ARB2A: variants seen among roughly 807,000 people sequenced by gnomAD.
ARB2A encodes cotranscriptional regulator ARB2A.
At chr5:93,894,031 A>G in the ARB2A span, among the ~76,000 whole-genome samples, 1 of 152,212 alleles carries the variant, frequency 6.6e-6, no homozygotes, top group African/African-American at 2.4e-5. Context: ...ACTTAATAGT[A>G]TACACTCTGT....
the ARB2A span, among the ~76,000 whole-genome samples, chr5:93,880,409 C>T: frequency 6.6e-6 from 1 of 151,620 alleles, no homozygotes; most frequent in Admixed American, 6.6e-5. Context: ...CAATATATTT[C>T]CCCTAAAAGG....
At chr5:94,022,130 G>A in the ARB2A span, among the ~76,000 whole-genome samples, 2 of 152,060 alleles carry the variant, frequency 1.3e-5, no homozygotes, top group African/African-American at 4.8e-5. Flanking sequence ...ACAGGCGGAG[G>A]TTGCAGTGAG....
the ARB2A span, among the ~76,000 whole-genome samples, chr5:93,813,301 T>C: frequency 1.3e-5 from 2 of 152,200 alleles, no homozygotes; most frequent in Non-Finnish European, 2.9e-5. Context: ...TCTAGTGTTT[T>C]CTAGAAGGTA....
the ARB2A span, among the ~76,000 whole-genome samples, chr5:93,836,902 A>C: frequency 6.6e-5 from 10 of 152,222 alleles, no homozygotes; most frequent in Non-Finnish European, 1.3e-4. Context: ...AAAAAAGTCT[A>C]TAAGCTGGAG....
the ARB2A span, among the ~76,000 whole-genome samples, chr5:93,864,643 T>A: frequency 2.0e-5 from 3 of 152,322 alleles, no homozygotes; most frequent in South Asian, 6.2e-4. Flanking sequence ...CTCATTGCAA[T>A]GATAAGTTGT....
the ARB2A span, chr5:93,740,974 AGAAGGTT>A: frequency 6.2e-7 from 1 of 1,613,794 alleles, no homozygotes; most frequent in African/African-American, 1.3e-5. Context: ...GCATAAGCCC[AGAAGGTT>A]CTCTGCTTCC....
the ARB2A span, among the ~76,000 whole-genome samples, chr5:93,651,145 T>C: frequency 3.9e-5 from 6 of 152,112 alleles, no homozygotes; most frequent in African/African-American, 1.2e-4. Flanking sequence ...CACTCTTTTT[T>C]TTTTTTTTGA....
At chr5:93,802,090 A>G in the ARB2A span, among the ~76,000 whole-genome samples, 11 of 152,058 alleles carry the variant, frequency 7.2e-5, no homozygotes, top group Non-Finnish European at 1.3e-4. Flanking sequence ...CTCTCTTTGG[A>G]AAAAAATGCA....
the ARB2A span, among the ~76,000 whole-genome samples, chr5:94,000,638 A>G: frequency 6.6e-6 from 1 of 151,968 alleles, no homozygotes; most frequent in African/African-American, 2.4e-5. Flanking sequence ...TGTTTTTTGT[A>G]AAAGTTTCAA....
At chr5:93,764,529 A>T in the ARB2A span, among the ~76,000 whole-genome samples, 12 of 152,336 alleles carry the variant, frequency 7.9e-5, no homozygotes, top group East Asian at 2.1e-3. Context: ...TAGACCAATA[A>T]TAGGTCCTGA....
the ARB2A span, among the ~76,000 whole-genome samples, chr5:93,932,185 A>G: frequency 6.6e-6 from 1 of 152,026 alleles, no homozygotes; most frequent in Non-Finnish European, 1.5e-5. Flanking sequence ...TGCTGGAGCT[A>G]TCTCATATTG....
the ARB2A span, chr5:93,621,015 G>A: frequency 1.2e-6 from 2 of 1,611,282 alleles, no homozygotes; most frequent in African/African-American, 1.3e-5. Flanking sequence ...GATGCGGTGG[G>A]AGCGGCGCGT....
the ARB2A span, among the ~76,000 whole-genome samples, chr5:93,717,526 C>CA: frequency 6.8e-6 from 1 of 147,606 alleles, no homozygotes; most frequent in African/African-American, 2.5e-5. Context: ...GAGAAAAGTG[C>CA]AACAATACAC....
At chr5:93,664,459 A>G in the ARB2A span, among the ~76,000 whole-genome samples, 4 of 151,662 alleles carry the variant, frequency 2.6e-5, no homozygotes, top group South Asian at 8.3e-4. Flanking sequence ...GTGAAACCCC[A>G]TCTCTACTAA....
the ARB2A span, among the ~76,000 whole-genome samples, chr5:93,921,276 T>C: frequency 6.6e-6 from 1 of 152,122 alleles, no homozygotes; most frequent in African/African-American, 2.4e-5. Flanking sequence ...ATGCAGCTTT[T>C]ATGTGACTGC....
the ARB2A span, among the ~76,000 whole-genome samples, chr5:94,110,696 T>C: frequency 2.6e-5 from 4 of 152,242 alleles, no homozygotes; most frequent in African/African-American, 9.6e-5. Flanking sequence ...ATGCAGTATA[T>C]GGCATGCGTT....
the ARB2A span, among the ~76,000 whole-genome samples, chr5:93,708,341 A>C: frequency 6.6e-6 from 1 of 152,186 alleles, no homozygotes; most frequent in Non-Finnish European, 1.5e-5. Context: ...TGGTATGATA[A>C]CAGTCTCATG....
the ARB2A span, among the ~76,000 whole-genome samples, chr5:93,976,316 G>A: frequency 2.6e-5 from 4 of 152,058 alleles, no homozygotes; most frequent in East Asian, 1.9e-4. Context: ...ATATCATACC[G>A]TACAGGCAAA....
At chr5:94,069,908 A>G in the ARB2A span, among the ~76,000 whole-genome samples, 1 of 152,312 alleles carries the variant, frequency 6.6e-6, no homozygotes, top group South Asian at 2.1e-4. Context: ...AAATGGAACT[A>G]CCATACAAGC....
Sources: allele counts gnomAD v4.1 joint callset (sites outside exome capture counted in the v4.1 genomes callset), GRCh38; gene constraint gnomAD v4.1.1; transcripts MANE v1.5; gene names NCBI Gene and HGNC (gene_info 2026-07-23, HGNC 2026-07-21).